Variants in RALGAPA2 observed in about 807,000 individuals in gnomAD.
RALGAPA2 encodes the protein Ral GTPase activating protein catalytic subunit alpha 2, also known as ral GTPase-activating protein subunit alpha-2.
RALGAPA2 carries 139 observed loss-of-function variants against 230.4 expected under a neutral mutation model. The ratio of observed to expected loss-of-function variants is 0.60; its 90% CI spans 0.53 to 0.69. The LOEUF (loss-of-function observed/expected upper bound fraction) is 0.69, where lower values mean the gene tolerates loss of function less well. Among genes scored for constraint, RALGAPA2 ranks in the 30% least tolerant of loss-of-function variants. RALGAPA2 has a pLI of 0.00. For missense variants in RALGAPA2, 2,163 were observed against 2,276.0 expected (o/e 0.95, Z 1.01); for synonymous variants, 847 against 837.8 (o/e 1.01, Z -0.19).
At chr20:20,687,177 A>T (rs1255973783) in intron 1 of RALGAPA2, among the ~76,000 whole-genome samples, 1 of 152,270 alleles carries the variant, frequency 6.6e-6, no homozygotes, top group African/African-American at 2.4e-5. Flanking sequence ...GGCAAACTTG[A>T]CAACTTAATA....
chr20:20,690,336 CCTT>C (rs2068857955), intron 1 of RALGAPA2, among the ~76,000 whole-genome samples: 1 of 151,940 alleles, frequency 6.6e-6, no homozygotes, highest in African/African-American at 2.4e-5. Flanking sequence ...ATTCCCTCCT[CCTT>C]ACCTAGCTAC....
At chr20:20,623,824 G>A (rs6082070) in intron 10 of RALGAPA2, among the ~76,000 whole-genome samples, 7,029 of 151,940 alleles carry the variant, frequency 0.046, 259 homozygotes, top group East Asian at 0.16. Flanking sequence ...ATCTGCATTC[G>A]TCATCTATTT....
rs554560722 is a variant in RALGAPA2, at chr20:20,427,717, C to T, written c.5496-15569G>A. Among the ~76,000 whole-genome samples, 9 of 152,038 alleles carry T rather than the reference C, an allele frequency of 5.9e-5. 1 individual carries two copies. In the South Asian group the frequency reaches 1.9e-3, roughly 32 times the overall value. On this transcript the variant is annotated intron_variant, in intron 37 of 39. Coordinates refer to ENST00000202677, the MANE Select transcript of RALGAPA2 (RefSeq NM_020343.4). ...CAGTGACCGCACAGGTTGCCAGTAACAGGAAAGCAATTTTCTATTGAGCTA... is the reference window on the plus strand; with the variant it reads ...CAGTGACCGCACAGGTTGCCAGTAATAGGAAAGCAATTTTCTATTGAGCTA...
chr20:20,571,995 C>T (rs754232007), intron 21 of RALGAPA2, 49 bp from the exon 22 acceptor site: 2 of 1,295,820 alleles, frequency 1.5e-6, no homozygotes, highest in Non-Finnish European at 2.2e-6. Flanking sequence ...TACGTTTATC[C>T]CAACAGTATT....
At chr20:20,533,263 A>G (rs1327223169) in intron 26 of RALGAPA2, among the ~76,000 whole-genome samples, 1 of 152,108 alleles carries the variant, frequency 6.6e-6, no homozygotes, top group African/African-American at 2.4e-5. Context: ...ATGGGATAAA[A>G]TTACAAAATC....
chr20:20,618,019 T>TA (rs2066203768), intron 12 of RALGAPA2, among the ~76,000 whole-genome samples: 1 of 152,132 alleles, frequency 6.6e-6, no homozygotes, highest in Non-Finnish European at 1.5e-5. Context: ...AAGCAAGATA[T>TA]AAAAAAATTT....
chr20:20,640,938 A>G, intron 5 of RALGAPA2, 60 bp from the exon 6 acceptor site: 1 of 1,410,500 alleles, frequency 7.1e-7, no homozygotes, highest in Non-Finnish European at 9.8e-7. Flanking sequence ...ATGCATTACA[A>G]TGTAGCATCG....
chr20:20,565,888 G>T (rs1215552302), intron 23 of RALGAPA2, among the ~76,000 whole-genome samples: 1 of 152,224 alleles, frequency 6.6e-6, no homozygotes, highest in Non-Finnish European at 1.5e-5. Context: ...TTACTTGCAG[G>T]CAAGAGAATC....
rs1471356802 is a variant in RALGAPA2, at chr20:20,649,861, C to T, written c.328+3669G>A. Among the ~76,000 whole-genome samples, 7 of 152,158 alleles carry T rather than the reference C, an allele frequency of 4.6e-5. No individual in the cohort carries two copies. In the East Asian group the frequency reaches 1.3e-3, roughly 29 times the overall value. ...CTGCCAGTGCGATTCTTTGCCATTG[C>T]CTCACTCTCTATCAGTTCTAATTAT... On this transcript the variant is annotated intron_variant, in intron 4 of 39. Coordinates refer to ENST00000202677, the MANE Select transcript of RALGAPA2 (RefSeq NM_020343.4).
chr20:20,518,514 GACGTGC>G (rs1319233532), intron 31 of RALGAPA2, among the ~76,000 whole-genome samples: 2 of 152,094 alleles, frequency 1.3e-5, no homozygotes, highest in Non-Finnish European at 2.9e-5. Context: ...GCTTGGCAAG[GACGTGC>G]ACACCAATAT....
intron 1 of RALGAPA2, among the ~76,000 whole-genome samples, chr20:20,711,851 C>T (rs2069885747): frequency 6.6e-6 from 1 of 152,012 alleles, no homozygotes; most frequent in Admixed American, 6.6e-5. Flanking sequence ...GTGCTGGGAT[C>T]GCCTGGAATC....
intron 26 of RALGAPA2, among the ~76,000 whole-genome samples, chr20:20,534,264 G>A (rs1218387124): frequency 6.6e-6 from 1 of 152,072 alleles, no homozygotes; most frequent in Non-Finnish European, 1.5e-5. Context: ...CTAACACGGT[G>A]AAATCCCGTC....
chr20:20,584,588 T>C (rs1032598420), intron 19 of RALGAPA2, among the ~76,000 whole-genome samples: 2 of 152,158 alleles, frequency 1.3e-5, no homozygotes, highest in Admixed American at 6.5e-5. Flanking sequence ...AAAACCAGCC[T>C]GGGCAACATG....
intron 32 of RALGAPA2, 102 bp from the exon 33 acceptor site, chr20:20,511,427 CCACCTCACT>C: frequency 7.0e-7 from 1 of 1,434,324 alleles, no homozygotes; most frequent in Non-Finnish European, 9.1e-7. Context: ...CCATCCTCTA[CCACCTCACT>C]CACAAAAGAT....
intron 14 of RALGAPA2, among the ~76,000 whole-genome samples, chr20:20,606,748 C>T (rs1395964029): frequency 2.0e-5 from 3 of 152,170 alleles, no homozygotes; most frequent in African/African-American, 7.2e-5. Flanking sequence ...CAGTGTCTGC[C>T]CCCAGTCTTA....
intron 23 of RALGAPA2, among the ~76,000 whole-genome samples, chr20:20,562,103 T>C (rs1602807097): frequency 1.3e-5 from 2 of 152,284 alleles, no homozygotes; most frequent in African/African-American, 4.8e-5. Context: ...GCAACCAAAG[T>C]GGCTCAGCTC....
chr20:20,708,490 A>G (rs2069700183), intron 1 of RALGAPA2, among the ~76,000 whole-genome samples: 1 of 152,128 alleles, frequency 6.6e-6, no homozygotes, highest in Non-Finnish European at 1.5e-5. Context: ...TGGTTTTATA[A>G]ATGGGATTTC....
intron 31 of RALGAPA2, among the ~76,000 whole-genome samples, chr20:20,516,427 G>A (rs930431357): frequency 6.6e-6 from 1 of 152,212 alleles, no homozygotes; most frequent in Non-Finnish European, 1.5e-5. Flanking sequence ...AGCTGATGCA[G>A]CCCACTACAG....
chr20:20,688,246 C>A (rs1023269781), intron 1 of RALGAPA2, among the ~76,000 whole-genome samples: 4 of 151,584 alleles, frequency 2.6e-5, no homozygotes, highest in Non-Finnish European at 4.4e-5. Flanking sequence ...GCAGAGGTTG[C>A]GGTGAGCCAA....
Sources: allele counts gnomAD v4.1 joint callset (sites outside exome capture counted in the v4.1 genomes callset), GRCh38; gene constraint gnomAD v4.1.1; transcripts MANE v1.5; gene names NCBI Gene and HGNC (gene_info 2026-07-23, HGNC 2026-07-21).